The following NKAIN2 variants were observed in gnomAD, a reference collection of about 807,000 sequenced individuals.
The protein encoded by NKAIN2 is sodium/potassium-transporting ATPase subunit beta-1-interacting protein 2.
A neutral mutation model predicts 32.6 loss-of-function variants in NKAIN2; 14 were observed. The observed-to-expected ratio is 0.43, with a 90% confidence interval of 0.28 to 0.67. NKAIN2 has a LOEUF of 0.67. Among genes scored for constraint, NKAIN2 ranks in the 30% least tolerant of loss-of-function variants. NKAIN2 has a pLI of 0.17. For synonymous variants in NKAIN2, 80 were observed against 87.2 expected (o/e 0.92, Z 0.46); for missense variants, 198 against 258.3 (o/e 0.77, Z 1.60).
intron 2 of NKAIN2, among the ~76,000 whole-genome samples, chr6:124,320,245 A>T (rs1178450709): frequency 6.6e-6 from 1 of 152,044 alleles, no homozygotes; most frequent in East Asian, 1.9e-4. Context: ...TAAGGTTTTT[A>T]ATTTAAATTT....
At chr6:123,953,473 C>G (rs1381256593) in intron 1 of NKAIN2, among the ~76,000 whole-genome samples, 1 of 152,172 alleles carries the variant, frequency 6.6e-6, no homozygotes, top group African/African-American at 2.4e-5. Context: ...GTAGAAATAA[C>G]TTCTGGGTCC....
intron 1 of NKAIN2, among the ~76,000 whole-genome samples, chr6:124,105,995 C>T (rs902186126): frequency 3.9e-5 from 6 of 152,048 alleles, no homozygotes; most frequent in African/African-American, 1.5e-4. Context: ...GAGTAATTTT[C>T]CCAGGATCCT....
intron 5 of NKAIN2, among the ~76,000 whole-genome samples, chr6:124,806,051 T>C (rs1477678556): frequency 6.6e-6 from 1 of 151,824 alleles, no homozygotes; most frequent in Non-Finnish European, 1.5e-5. Flanking sequence ...CGGAACCAAG[T>C]TGGAAAACAT....
intron 2 of NKAIN2, among the ~76,000 whole-genome samples, chr6:124,292,927 G>T (rs1795884323): frequency 6.6e-6 from 1 of 152,034 alleles, no homozygotes; most frequent in Middle Eastern, 3.2e-3. Context: ...GGAAGATTTA[G>T]TTGAAAGTAT....
At chr6:123,948,806 T>C (rs1199316837) in intron 1 of NKAIN2, among the ~76,000 whole-genome samples, 1 of 151,894 alleles carries the variant, frequency 6.6e-6, no homozygotes, top group East Asian at 1.9e-4. Flanking sequence ...TTGCCTGTGC[T>C]TTTCAGGTCT....
chr6:124,592,636 G>T (rs1781950935), intron 3 of NKAIN2, among the ~76,000 whole-genome samples: 1 of 152,170 alleles, frequency 6.6e-6, no homozygotes, highest in Non-Finnish European at 1.5e-5. Flanking sequence ...AATAACTGTA[G>T]AGGCAGTGAA....
At chr6:124,497,004 C>T (rs12661841) in intron 3 of NKAIN2, among the ~76,000 whole-genome samples, 1 of 152,032 alleles carries the variant, frequency 6.6e-6, no homozygotes, top group Non-Finnish European at 1.5e-5. Context: ...TATCCTAATG[C>T]CACCATCTCA....
intron 1 of NKAIN2, among the ~76,000 whole-genome samples, chr6:124,207,745 C>G (rs1790968231): frequency 6.6e-6 from 1 of 151,814 alleles, no homozygotes; most frequent in South Asian, 2.1e-4. Context: ...CTGTTTTGAA[C>G]TGCATAAAAT....
At chr6:124,730,710 G>A (rs971891485) in intron 4 of NKAIN2, among the ~76,000 whole-genome samples, 6 of 151,198 alleles carry the variant, frequency 4.0e-5, no homozygotes, top group African/African-American at 1.5e-4. Flanking sequence ...ATTGACAAAT[G>A]GGATCTAATG....
chr6:124,703,147 C>T (rs752771062), intron 4 of NKAIN2, among the ~76,000 whole-genome samples: 35 of 152,064 alleles, frequency 2.3e-4, no homozygotes, highest in Non-Finnish European at 4.3e-4. Flanking sequence ...AATGTATTGT[C>T]ACCAAAAGAC....
chr6:123,939,657 T>C (rs1776725673), intron 1 of NKAIN2, among the ~76,000 whole-genome samples: 1 of 151,984 alleles, frequency 6.6e-6, no homozygotes, highest in South Asian at 2.1e-4. Context: ...AAAGTTGTGA[T>C]TGACAAAACT....
intron 1 of NKAIN2, among the ~76,000 whole-genome samples, chr6:124,114,014 T>C (rs1047307552): frequency 6.6e-6 from 1 of 152,190 alleles, no homozygotes; most frequent in Non-Finnish European, 1.5e-5. Context: ...GGGTAAATAC[T>C]AGGAATACAA....
In NKAIN2 at chr6:124,090,372, T is replaced by C. The variant is rs148092742; in HGVS notation, c.55-192633T>C. Among the ~76,000 whole-genome samples the C allele has an allele frequency of 6.0e-3, 917 of 152,096 alleles. 5 individuals are homozygous for C. The highest frequency in any genetic ancestry group is 0.01 in the South Asian group (50 of 4,824). Reference sequence around the variant, plus strand: ...ATTCTAGCTGCAAAAAGTTGACATGTGGGTTGGCGGTGGGGAGTAAACTTT... The same window carrying C: ...ATTCTAGCTGCAAAAAGTTGACATGCGGGTTGGCGGTGGGGAGTAAACTTT... On this transcript the variant is annotated intron_variant, in intron 1 of 6. Coordinates refer to ENST00000368417, the MANE Select transcript of NKAIN2 (RefSeq NM_001040214.3).
chr6:124,573,392 T>C (rs1354057616), intron 3 of NKAIN2, among the ~76,000 whole-genome samples: 1 of 152,066 alleles, frequency 6.6e-6, no homozygotes, highest in African/African-American at 2.4e-5. Context: ...ACCTGCTGAT[T>C]CCCTCTCTCC....
intron 3 of NKAIN2, among the ~76,000 whole-genome samples, chr6:124,521,808 CTG>C (rs1424607056): frequency 6.6e-6 from 1 of 151,902 alleles, no homozygotes; most frequent in African/African-American, 2.4e-5. Flanking sequence ...CACAGTATAT[CTG>C]TAATACTAAA....
At chr6:124,669,377 C>T (rs538185582) in intron 4 of NKAIN2, among the ~76,000 whole-genome samples, 193 of 152,074 alleles carry the variant, frequency 1.3e-3, no homozygotes, top group Middle Eastern at 0.01. Flanking sequence ...TGTAAGGAGA[C>T]GCAAATGAAT....
chr6:124,071,717 T>A (rs2114881783), intron 1 of NKAIN2, among the ~76,000 whole-genome samples: 1 of 152,020 alleles, frequency 6.6e-6, no homozygotes, highest in East Asian at 1.9e-4. Context: ...AACAAATATA[T>A]GAAAAAATGC....
At chr6:123,813,458 T>A (rs911965916) in intron 1 of NKAIN2, among the ~76,000 whole-genome samples, 52 of 152,310 alleles carry the variant, frequency 3.4e-4, no homozygotes, top group African/African-American at 1.0e-3. Context: ...TTTGTGGATA[T>A]GTTTACCCCT....
At chr6:124,285,708 C>T (rs962283452) in intron 2 of NKAIN2, among the ~76,000 whole-genome samples, 1 of 152,072 alleles carries the variant, frequency 6.6e-6, no homozygotes, top group African/African-American at 2.4e-5. Context: ...ATTAAGGGCA[C>T]CAAACCCCCC....
Sources: gnomAD v4.1 joint callset for allele counts (sites outside exome capture counted in the v4.1 genomes callset) on GRCh38, gnomAD v4.1.1 for gene constraint, MANE v1.5 for transcripts, NCBI Gene and HGNC (gene_info 2026-07-23, HGNC 2026-07-21) for gene names.